The following CDH18 variants were observed in gnomAD, a reference collection of about 807,000 sequenced individuals.
The protein encoded by CDH18 is cadherin 18.
A neutral mutation model predicts 67.9 loss-of-function variants in CDH18; 31 were observed. The observed-to-expected ratio is 0.46, with a 90% CI of 0.34 to 0.62. The LOEUF (loss-of-function observed/expected upper bound fraction) is 0.62, where lower values mean the gene tolerates loss of function less well. Among genes scored for constraint, CDH18 ranks in the 20% least tolerant of loss-of-function variants. The probability of loss-of-function intolerance (pLI) is 0.01; values close to 1 mark genes in which losing one functional copy is unlikely to be tolerated. For synonymous variants in CDH18, 362 were observed against 347.2 expected, an observed-to-expected ratio of 1.04 and a Z score of -0.48; for missense variants, 890 against 975.5, an observed-to-expected ratio of 0.91 and a Z score of 1.17.
chr5:19,854,444 G>A (rs1371010065), intron 2 of CDH18, among the ~76,000 whole-genome samples: 1 of 152,034 alleles, frequency 6.6e-6, no homozygotes, highest in African/African-American at 2.4e-5. Context: ...TATAATTTCA[G>A]TAGAAAACAA....
At chr5:19,757,539 T>TG (rs1308861918) in intron 3 of CDH18, among the ~76,000 whole-genome samples, 2 of 152,168 alleles carry the variant, frequency 1.3e-5, no homozygotes, top group Non-Finnish European at 2.9e-5. Flanking sequence ...CAGGGGTGGC[T>TG]GGGGAAAGCG....
chr5:19,972,524 T>C (rs192221836), intron 2 of CDH18, among the ~76,000 whole-genome samples: 1 of 151,982 alleles, frequency 6.6e-6, no homozygotes, highest in Non-Finnish European at 1.5e-5. Flanking sequence ...AGTATGAATG[T>C]TCACTGCATT....
intron 1 of CDH18, among the ~76,000 whole-genome samples, chr5:20,299,318 A>C (rs1747771075): frequency 1.3e-5 from 2 of 151,706 alleles, no homozygotes; most frequent in African/African-American, 4.8e-5. Context: ...AATGTCAGTA[A>C]TTATTGCAAG....
Position 20,206,440 on chromosome 5 carries a change from CA to C in CDH18, c.-518+49003del, listed in dbSNP as rs376525926. Among the ~76,000 whole-genome samples, 488 of 150,012 alleles carry C rather than the reference CA, an allele frequency of 3.3e-3. 7 individuals are homozygous for C. The highest frequency in any genetic ancestry group is 0.025 in the South Asian group (120 of 4,746). On this transcript the variant is annotated intron_variant, in intron 2 of 14. Transcript: ENST00000507958. ...TAATTCCAATTCTATTCAAAGTCTT[CA>C]AAAAAAAATTAAAGCTTGGAATATT... is the stretch of plus-strand genomic sequence containing the variant.
At chr5:20,215,785 T>C (rs1252777304) in intron 2 of CDH18, among the ~76,000 whole-genome samples, 3 of 152,010 alleles carry the variant, frequency 2.0e-5, no homozygotes, top group Non-Finnish European at 2.9e-5. Flanking sequence ...CATGGAATAC[T>C]GTGCATTCAT....
At chr5:20,191,357 G>A (rs1047169588) in intron 2 of CDH18, among the ~76,000 whole-genome samples, 3 of 151,926 alleles carry the variant, frequency 2.0e-5, no homozygotes, top group Non-Finnish European at 2.9e-5. Flanking sequence ...AGACCTTTAT[G>A]CCGATAAAAT....
In CDH18 at chr5:19,839,172, T is replaced by G. The variant is rs1379489957; in HGVS notation, c.-186A>C. On this transcript the variant is annotated 5_prime_UTR_variant, in exon 3 of 13. Transcript: ENST00000382275. Reference sequence around the variant, plus strand: ...GATCATATTTACATTCTGAACCACTTGGAAAATCAAAGCCGTAGTTGTCTG... The same window carrying G: ...GATCATATTTACATTCTGAACCACTGGGAAAATCAAAGCCGTAGTTGTCTG... 2.5e-5 allele frequency: 14 copies of G among 555,118 alleles called. No homozygotes were observed. Among genetic ancestry groups the G allele is most frequent in the Non-Finnish European group, 4.2e-5 (13 of 311,516 alleles). 34.4% of individuals were successfully genotyped at this position (555,118 alleles called of 1,614,324 possible). A position where few individuals can be genotyped will look rare whatever the true frequency, so the allele number is the denominator to read the frequency against.
At chr5:20,441,742 A>G (rs1749620966) in intron 1 of CDH18, among the ~76,000 whole-genome samples, 1 of 151,846 alleles carries the variant, frequency 6.6e-6, no homozygotes, top group Admixed American at 6.6e-5. Context: ...TTAGGGAACT[A>G]CATATTGTAA....
chr5:20,316,057 T>C (rs1737432315), intron 1 of CDH18, among the ~76,000 whole-genome samples: 1 of 152,120 alleles, frequency 6.6e-6, no homozygotes, highest in Non-Finnish European at 1.5e-5. Context: ...GCATTAATCC[T>C]GACTCTTCTA....
intron 2 of CDH18, among the ~76,000 whole-genome samples, chr5:20,047,012 A>C (rs931586079): frequency 7.9e-5 from 12 of 151,976 alleles, no homozygotes; most frequent in Non-Finnish European, 1.8e-4. Context: ...AATACAAAAA[A>C]AACAAAAAGA....
chr5:20,366,098 T>C (rs1742496840), intron 1 of CDH18, among the ~76,000 whole-genome samples: 1 of 152,176 alleles, frequency 6.6e-6, no homozygotes, highest in Admixed American at 6.5e-5. Flanking sequence ...AGAGGTGATG[T>C]AAATAGAAAA....
At chr5:19,860,133 G>A (rs980398291) in intron 2 of CDH18, among the ~76,000 whole-genome samples, 1 of 151,958 alleles carries the variant, frequency 6.6e-6, no homozygotes, top group Non-Finnish European at 1.5e-5. Flanking sequence ...ATAATTTTAA[G>A]TGATTCCAAC....
chr5:20,089,482 T>C (rs1242011995), intron 2 of CDH18, among the ~76,000 whole-genome samples: 2 of 152,166 alleles, frequency 1.3e-5, no homozygotes, highest in East Asian at 1.9e-4. Context: ...ATATATTTTG[T>C]TTTAGAAAAT....
intron 4 of CDH18, among the ~76,000 whole-genome samples, chr5:19,729,950 A>C (rs993482015): frequency 6.6e-6 from 1 of 152,002 alleles, no homozygotes; most frequent in African/African-American, 2.4e-5. Context: ...AAACTGAAAA[A>C]CAAGAATAAG....
intron 5 of CDH18, among the ~76,000 whole-genome samples, chr5:19,647,758 G>A (rs770562939): frequency 6.6e-5 from 10 of 151,812 alleles, no homozygotes; most frequent in Admixed American, 2.0e-4. Flanking sequence ...CTCACCCTGC[G>A]TTTGTATTCT....
intron 3 of CDH18, among the ~76,000 whole-genome samples, chr5:19,751,332 A>G (rs1220202090): frequency 1.3e-5 from 2 of 152,196 alleles, no homozygotes; most frequent in African/African-American, 4.8e-5. Flanking sequence ...TAATTATGTT[A>G]AAAAGATAGG....
At chr5:20,281,372 A>G (rs1366219756) in intron 1 of CDH18, among the ~76,000 whole-genome samples, 1 of 152,104 alleles carries the variant, frequency 6.6e-6, no homozygotes, top group Non-Finnish European at 1.5e-5. Context: ...TCCATCTTGA[A>G]TTAATTTTTG....
chr5:19,843,774 A>T (rs890883777), intron 2 of CDH18, among the ~76,000 whole-genome samples: 3 of 152,210 alleles, frequency 2.0e-5, no homozygotes, highest in Non-Finnish European at 4.4e-5. Context: ...ACCCTAGGCC[A>T]TGGGAGCCCA....
At chr5:20,171,847 G>A (rs1440956460) in intron 2 of CDH18, among the ~76,000 whole-genome samples, 1 of 150,770 alleles carries the variant, frequency 6.6e-6, no homozygotes, top group Admixed American at 6.6e-5. Flanking sequence ...TTCAGTTTTA[G>A]GTCTTCCATT....
Sources: allele counts gnomAD v4.1 joint callset (sites outside exome capture counted in the v4.1 genomes callset), GRCh38; gene constraint gnomAD v4.1.1; transcripts MANE v1.5; gene names NCBI Gene and HGNC (gene_info 2026-07-23, HGNC 2026-07-21).